The following MAN1A1 variants were observed in gnomAD, a reference collection of about 807,000 sequenced individuals.
The protein encoded by MAN1A1 is mannosidase alpha class 1A member 1, also known as mannosyl-oligosaccharide 1,2-alpha-mannosidase IA.
In MAN1A1, 29 loss-of-function variants were observed where a neutral mutation model predicts 70.8. That is an observed-to-expected ratio of 0.41 (90% CI 0.31 to 0.56). MAN1A1 has a LOEUF of 0.56. Ranked by LOEUF, MAN1A1 falls within the 20% of genes least tolerant of loss-of-function variation. The pLI is 0.29. For synonymous variants in MAN1A1, 349 were observed against 330.1 expected, an observed-to-expected ratio of 1.06 and a Z score of -0.62; for missense variants, 747 against 841.3, an observed-to-expected ratio of 0.89 and a Z score of 1.39.
intron 6 of MAN1A1, among the ~76,000 whole-genome samples, chr6:119,241,857 G>C (rs1775012677): frequency 6.6e-6 from 1 of 151,898 alleles, no homozygotes; most frequent in Non-Finnish European, 1.5e-5. Flanking sequence ...CAAACCAATT[G>C]AAACAGACTG....
intron 2 of MAN1A1, among the ~76,000 whole-genome samples, chr6:119,339,689 C>T (rs370848256): frequency 1.3e-5 from 2 of 152,110 alleles, no homozygotes; most frequent in South Asian, 2.1e-4. Flanking sequence ...ATGGAAGATA[C>T]TTGCTTCAAC....
rs934752884 is a variant in MAN1A1, at chr6:119,349,553, A to T, written c.-234T>A. 11 of 986,036 alleles carry T rather than the reference A, an allele frequency of 1.1e-5. No individual in the cohort carries two copies. The highest frequency in any genetic ancestry group is 1.3e-5 in the Non-Finnish European group (11 of 830,156). 61.1% of individuals were successfully genotyped at this position (986,036 alleles called of 1,614,324 possible). ...GAGGGGCAGCGCACCTCTGGGCAGG[A>T]GGGGCGCAGCGTGGGCGGGAGACTC... is the stretch of plus-strand genomic sequence containing the variant. On this transcript the variant is annotated 5_prime_UTR_variant, in exon 1 of 13. Transcript: ENST00000368468.
intron 2 of MAN1A1, among the ~76,000 whole-genome samples, chr6:119,314,474 T>C (rs1474046407): frequency 6.6e-6 from 1 of 152,182 alleles, no homozygotes; most frequent in Non-Finnish European, 1.5e-5. Flanking sequence ...CATCCAATCC[T>C]TACAACACCC....
intron 2 of MAN1A1, among the ~76,000 whole-genome samples, chr6:119,339,610 T>A (rs1773549330): frequency 6.6e-6 from 1 of 152,156 alleles, no homozygotes; most frequent in Non-Finnish European, 1.5e-5. Context: ...GTTTTTTTTT[T>A]TCTACTCTAG....
At chr6:119,216,296 C>T (rs1025624966) in intron 6 of MAN1A1, among the ~76,000 whole-genome samples, 1 of 152,120 alleles carries the variant, frequency 6.6e-6, no homozygotes, top group African/African-American at 2.4e-5. Flanking sequence ...TGTAGGCAAG[C>T]AAGCAAATGA....
chr6:119,288,333 C>T (rs771225161), intron 5 of MAN1A1, among the ~76,000 whole-genome samples: 2 of 151,882 alleles, frequency 1.3e-5, no homozygotes, highest in Admixed American at 6.6e-5. Flanking sequence ...CATAGAAAGA[C>T]AAATTGTCCT....
intron 6 of MAN1A1, among the ~76,000 whole-genome samples, chr6:119,245,267 G>A (rs1476309750): frequency 2.0e-5 from 3 of 152,078 alleles, no homozygotes; most frequent in Non-Finnish European, 4.4e-5. Context: ...ATTCTGAGAA[G>A]GTAATTAAGA....
intron 5 of MAN1A1, among the ~76,000 whole-genome samples, chr6:119,257,058 T>G (rs1426581708): frequency 6.6e-6 from 1 of 152,150 alleles, no homozygotes; most frequent in Non-Finnish European, 1.5e-5. Context: ...GAGTTAGGTC[T>G]AGGGGGAGAG....
chr6:119,339,770 C>T (rs1773553600), intron 2 of MAN1A1, among the ~76,000 whole-genome samples: 1 of 152,190 alleles, frequency 6.6e-6, no homozygotes, highest in African/African-American at 2.4e-5. Flanking sequence ...GCAACTTTAT[C>T]CATCTATTTC....
At chr6:119,250,158 T>C (rs146670799) in intron 5 of MAN1A1, among the ~76,000 whole-genome samples, 8 of 152,358 alleles carry the variant, frequency 5.3e-5, no homozygotes, top group East Asian at 1.9e-4. Flanking sequence ...TGTTGTCTTC[T>C]GCTACAAGGA....
chr6:119,250,652 G>T (rs1035462048), intron 5 of MAN1A1, among the ~76,000 whole-genome samples: 5 of 146,394 alleles, frequency 3.4e-5, no homozygotes, highest in Non-Finnish European at 7.6e-5. Context: ...CTCTCTCTGT[G>T]TGTGTGTGTG....
chr6:119,254,097 G>A (rs1053711613), intron 5 of MAN1A1, among the ~76,000 whole-genome samples: 3 of 152,152 alleles, frequency 2.0e-5, no homozygotes, highest in Non-Finnish European at 2.9e-5. Flanking sequence ...AAACTAGCTT[G>A]TAAAATTAAA....
intron 2 of MAN1A1, among the ~76,000 whole-genome samples, chr6:119,331,191 C>A (rs768128773): frequency 1.3e-5 from 2 of 152,040 alleles, no homozygotes; most frequent in African/African-American, 4.8e-5. Flanking sequence ...TTAAACAGAG[C>A]CTTTGTTGTC....
intron 6 of MAN1A1, among the ~76,000 whole-genome samples, chr6:119,246,850 T>G (rs1054444649): frequency 1.4e-4 from 22 of 152,054 alleles, no homozygotes; most frequent in African/African-American, 5.3e-4. Context: ...GGCCCTACAG[T>G]ACATGTATGA....
At chr6:119,270,919 T>C (rs545843640) in intron 5 of MAN1A1, among the ~76,000 whole-genome samples, 1 of 152,326 alleles carries the variant, frequency 6.6e-6, no homozygotes. Flanking sequence ...ACTGTTTCTG[T>C]GAATATTGCA....
At chr6:119,248,711 A>G (rs1775236924) in intron 5 of MAN1A1, among the ~76,000 whole-genome samples, 1 of 152,192 alleles carries the variant, frequency 6.6e-6, no homozygotes, top group African/African-American at 2.4e-5. Context: ...TCAATGTGCA[A>G]GCCAGTGGGA....
At chr6:119,312,767 T>C (rs887187733) in intron 2 of MAN1A1, among the ~76,000 whole-genome samples, 2 of 152,204 alleles carry the variant, frequency 1.3e-5, no homozygotes, top group African/African-American at 4.8e-5. Context: ...TTTTAACAAA[T>C]GCACCACTGT....
intron 2 of MAN1A1, among the ~76,000 whole-genome samples, chr6:119,337,089 CT>C (rs996360010): frequency 6.6e-6 from 1 of 151,940 alleles, no homozygotes; most frequent in Non-Finnish European, 1.5e-5. Flanking sequence ...GGTCAAAAGA[CT>C]TTTTTTTGTT....
At chr6:119,264,149 T>A (rs1257841526) in intron 5 of MAN1A1, among the ~76,000 whole-genome samples, 1 of 152,180 alleles carries the variant, frequency 6.6e-6, no homozygotes, top group East Asian at 1.9e-4. Context: ...AGCATCAGCA[T>A]TATGGAGAAA....
Sources: gnomAD v4.1 joint callset for allele counts (sites outside exome capture counted in the v4.1 genomes callset) on GRCh38, gnomAD v4.1.1 for gene constraint, MANE v1.5 for transcripts, NCBI Gene and HGNC (gene_info 2026-07-23, HGNC 2026-07-21) for gene names.